The following SCEL variants were observed in gnomAD, a reference collection of about 807,000 sequenced individuals.
The protein encoded by SCEL is sciellin.
A neutral mutation model predicts 117.6 loss-of-function variants in SCEL; 113 were observed. That is an observed-to-expected ratio of 0.96 (90% CI 0.83 to 1.12). The LOEUF is 1.12. SCEL is among the 50% of genes most tolerant of loss of function. The pLI is 0.00. For synonymous variants in SCEL, 270 were observed against 256.2 expected, an observed-to-expected ratio of 1.05 and a Z score of -0.51; for missense variants, 785 against 810.8, an observed-to-expected ratio of 0.97 and a Z score of 0.39.
At chr13:77,590,250 A>T (rs2086794932) in intron 10 of SCEL, among the ~76,000 whole-genome samples, 1 of 152,142 alleles carries the variant, frequency 6.6e-6, no homozygotes, top group Admixed American at 6.6e-5. Context: ...TCCAGGTTTG[A>T]ATTTCTGTTC....
At chr13:77,560,895 G>A (rs762908064) in intron 4 of SCEL, among the ~76,000 whole-genome samples, 2 of 150,584 alleles carry the variant, frequency 1.3e-5, no homozygotes, top group Non-Finnish European at 3.0e-5. Flanking sequence ...CAGACACTTG[G>A]GACACGTCTA....
chr13:77,556,458 A>G (rs1463705850), intron 2 of SCEL, 138 bp from the exon 3 acceptor site: 6 of 688,690 alleles, frequency 8.7e-6, no homozygotes, highest in African/African-American at 5.3e-5. Context: ...GGTGCATCCT[A>G]CTTTGAAACA....
intron 1 of SCEL, among the ~76,000 whole-genome samples, chr13:77,538,162 T>C (rs2083507840): frequency 6.6e-6 from 1 of 150,832 alleles, no homozygotes; most frequent in Non-Finnish European, 1.5e-5. Context: ...TTTTCCCCAG[T>C]CTGGAGTGCG....
chr13:77,622,972 C>T (rs1354037156), intron 27 of SCEL, among the ~76,000 whole-genome samples: 1 of 152,148 alleles, frequency 6.6e-6, no homozygotes, highest in Non-Finnish European at 1.5e-5. Flanking sequence ...TTAATTCCAC[C>T]TGCCCATAAA....
In SCEL at chr13:77,591,551, A is replaced by G. The variant is rs544106923; in HGVS notation, c.692+91A>G. ...TAAAAAATGCAAGGCAATTAATAAT[A>G]AGGTAGACAAAATCAGTTTTCCAAC... On this transcript the variant is annotated intron_variant, in intron 11 of 32. Transcript: ENST00000349847. 47 of 728,600 alleles carry G rather than the reference A, an allele frequency of 6.5e-5. No individual in the cohort carries two copies. In the South Asian group the frequency reaches 7.9e-4, roughly 12 times the overall value. The allele number at this position is 728,600 out of a possible 1,614,324, so 45.1% of individuals were successfully genotyped here.
chr13:77,595,739 A>G (rs2087186910), intron 12 of SCEL, among the ~76,000 whole-genome samples: 1 of 151,954 alleles, frequency 6.6e-6, no homozygotes. Flanking sequence ...AGTGTTTGTC[A>G]CACACAAGGA....
intron 19 of SCEL, among the ~76,000 whole-genome samples, chr13:77,606,191 G>A (rs556389429): frequency 1.2e-4 from 19 of 152,188 alleles, no homozygotes; most frequent in Non-Finnish European, 2.4e-4. Context: ...ATGTGTGTAC[G>A]TTGTGCATGT....
chr13:77,639,187 G>A (rs1234610622), intron 30 of SCEL, among the ~76,000 whole-genome samples: 1 of 152,106 alleles, frequency 6.6e-6, no homozygotes, highest in East Asian at 1.9e-4. Context: ...GAAGGACATA[G>A]AGCACCTATT....
intron 28 of SCEL, among the ~76,000 whole-genome samples, chr13:77,630,567 G>C (rs570905393): frequency 6.6e-6 from 1 of 152,320 alleles, no homozygotes; most frequent in South Asian, 2.1e-4. Context: ...GAAATTGCTG[G>C]ATTGTAGAGT....
intron 5 of SCEL, among the ~76,000 whole-genome samples, chr13:77,564,910 T>C (rs1248302689): frequency 6.6e-6 from 1 of 152,228 alleles, no homozygotes; most frequent in Non-Finnish European, 1.5e-5. Context: ...TTAAAAATTA[T>C]CATCCTTGTC....
chr13:77,617,880 C>T lies in SCEL; in HGVS notation c.1571+18C>T, dbSNP rs1262343870. On this transcript the variant is annotated intron_variant, in intron 26 of 32. Transcript: ENST00000349847. ...AATCAGAGGTATATATAGAAGCAGTCAATTCATGTTTTTATTTGTCTGTTG... is the reference window on the plus strand; with the variant it reads ...AATCAGAGGTATATATAGAAGCAGTTAATTCATGTTTTTATTTGTCTGTTG... 6.3e-7 allele frequency: 1 copy of T among 1,597,364 alleles called. No individual in the cohort carries two copies. Among genetic ancestry groups the T allele is most frequent in the South Asian group, 1.1e-5 (1 of 90,526 alleles).
At chr13:77,568,168 T>G (rs1024621197) in intron 6 of SCEL, 127 bp from the exon 7 acceptor site, 63 of 636,108 alleles carry the variant, frequency 9.9e-5, no homozygotes, top group Non-Finnish European at 1.4e-4. Context: ...TATTAAAATA[T>G]GATGCTTTCT....
At position 77,569,521 on chromosome 13, in the gene SCEL, TC is replaced by T. The variant is rs1343752256; in HGVS notation, c.479+71del. The stretch of plus-strand genomic sequence containing the variant: ...AAGACTGCATTAGAAAGCTTCCTCC[TC>T]TTTTTTGTGGGGATCCAGCATCTAC... On this transcript the variant is annotated intron_variant, in intron 8 of 32. Transcript: ENST00000349847. The T allele has an allele frequency of 1.4e-4, 172 of 1,221,476 alleles. 4 individuals are homozygous for T. The East Asian group carries it at 4.0e-3, about 29-fold the overall frequency. 75.7% of individuals were successfully genotyped at this position (1,221,476 alleles called of 1,614,324 possible).
intron 32 of SCEL, among the ~76,000 whole-genome samples, chr13:77,643,719 AT>A (rs748571171): frequency 3.3e-5 from 5 of 152,146 alleles, no homozygotes; most frequent in Non-Finnish European, 7.4e-5. Context: ...TCTGAAAAAA[AT>A]ATCAGAAACC....
In SCEL at chr13:77,642,686, A is replaced by G. The variant is rs1432675115; in HGVS notation, c.1948-20A>G. 5.9e-6 allele frequency: 8 copies of G among 1,365,894 alleles called. No homozygotes were observed. The highest frequency in any genetic ancestry group is 8.3e-6 in the Non-Finnish European group (8 of 968,734). 84.6% of individuals were successfully genotyped at this position (1,365,894 alleles called of 1,614,324 possible). A position where few individuals can be genotyped will look rare whatever the true frequency, so the allele number is the denominator to read the frequency against. On this transcript the variant is annotated intron_variant, in intron 31 of 32. Coordinates refer to ENST00000349847, the MANE Select transcript of SCEL (RefSeq NM_144777.3). ...ATTTCATTTACAATGGAAACTTTAT[A>G]TATGTATTTTTTTCTTTAGTGTGAA...
chr13:77,620,815 TTAAC>T (rs2089369746), intron 27 of SCEL, among the ~76,000 whole-genome samples: 1 of 151,984 alleles, frequency 6.6e-6, no homozygotes. Flanking sequence ...AAAAATACTC[TTAAC>T]TGTTTGTGGC....
chr13:77,601,043 A>C (rs1026741681), intron 15 of SCEL, among the ~76,000 whole-genome samples: 1 of 152,222 alleles, frequency 6.6e-6, no homozygotes, highest in Non-Finnish European at 1.5e-5. Context: ...ATATGATTAT[A>C]ATGTAAACAT....
intron 27 of SCEL, among the ~76,000 whole-genome samples, chr13:77,627,055 A>G (rs899572560): frequency 5.9e-5 from 9 of 152,196 alleles, no homozygotes; most frequent in Non-Finnish European, 8.8e-5. Flanking sequence ...AGCCCAAGAT[A>G]TAAGAATCAA....
intron 9 of SCEL, among the ~76,000 whole-genome samples, chr13:77,583,717 A>G (rs569143234): frequency 2.3e-4 from 35 of 152,224 alleles, no homozygotes; most frequent in Non-Finnish European, 4.6e-4. Context: ...ATAGAAAGTG[A>G]AAACAAAATT....
Sources: gnomAD v4.1 joint callset for allele counts (sites outside exome capture counted in the v4.1 genomes callset) on GRCh38, gnomAD v4.1.1 for gene constraint, MANE v1.5 for transcripts, NCBI Gene and HGNC (gene_info 2026-07-23, HGNC 2026-07-21) for gene names.